ANKRD33B: variants seen among roughly 807,000 people sequenced by gnomAD.
The protein encoded by ANKRD33B is ankyrin repeat domain 33B.
Under a neutral mutation model 21.5 loss-of-function variants are expected in ANKRD33B, and 6 were observed. The ratio of observed to expected loss-of-function variants is 0.28; its 90% CI spans 0.15 to 0.55. The LOEUF (loss-of-function observed/expected upper bound fraction) is 0.55. Among genes scored for constraint, ANKRD33B ranks in the 20% least tolerant of loss-of-function variants. ANKRD33B has a pLI of 0.94. For missense variants in ANKRD33B, 698 were observed against 747.2 expected (o/e 0.93, Z 0.77); for synonymous variants, 347 against 342.4 (o/e 1.01, Z -0.15).
chr5:10,627,596 A>G (rs1012069063), intron 2 of ANKRD33B: 3 of 152,194 alleles, frequency 2.0e-5, no homozygotes, highest in Admixed American at 2.0e-4. Context: ...CCCAGTTCAG[A>G]GGAGAATTTA....
chr5:10,642,510 ATCT>A (rs1159047801), intron 3 of ANKRD33B, among the ~76,000 whole-genome samples: 1 of 152,100 alleles, frequency 6.6e-6, no homozygotes, highest in African/African-American at 2.4e-5. Context: ...TTTCAAATTC[ATCT>A]TCTCCACTTC....
At chr5:10,640,226 C>T (rs1222123123) in intron 3 of ANKRD33B, among the ~76,000 whole-genome samples, 1 of 152,138 alleles carries the variant, frequency 6.6e-6, no homozygotes, top group East Asian at 1.9e-4. Context: ...GTGGCAATTT[C>T]CGTTTTCTAT....
At chr5:10,615,123 C>T (rs1317694938) in intron 1 of ANKRD33B, among the ~76,000 whole-genome samples, 1 of 152,100 alleles carries the variant, frequency 6.6e-6, no homozygotes, top group African/African-American at 2.4e-5. Flanking sequence ...CCAGATACTT[C>T]CGGAACCCTG....
Position 10,649,846 on chromosome 5 carries a change from C to T in ANKRD33B, c.1218C>T (p.Leu406=), listed in dbSNP as rs1188341279. The stretch of plus-strand genomic sequence containing the variant: ...CGCCCGCCCCGCGGAAGGCCAGCCT[C>T]CTGCCCCTGCAGCGCCTGCGGCGGA... The part of the protein sequence containing the change: ...PAAPAPRKAS[L]LPLQRLRRRS... The change falls in exon 4 of 4, where the codon CTC becomes CTT. Residue 406 remains leucine, a synonymous_variant. Coordinates refer to ENST00000296657, the MANE Select transcript of ANKRD33B (RefSeq NM_001164440.2). 2 of 1,414,720 alleles carry T rather than the reference C, an allele frequency of 1.4e-6. No individual in the cohort carries two copies. The highest frequency in any genetic ancestry group is 1.5e-5 in the African/African-American group (1 of 66,100). The allele number at this position is 1,414,720 out of a possible 1,614,324, so 87.6% of individuals were successfully genotyped here.
intron 2 of ANKRD33B, among the ~76,000 whole-genome samples, chr5:10,625,721 A>G (rs1736531361): frequency 1.3e-5 from 2 of 152,252 alleles, no homozygotes; most frequent in South Asian, 4.1e-4. Context: ...GATATTGTGT[A>G]AAATGCATGA....
chr5:10,604,338 T>A (rs1055299645), intron 1 of ANKRD33B, among the ~76,000 whole-genome samples: 4 of 151,046 alleles, frequency 2.6e-5, no homozygotes, highest in Admixed American at 6.6e-5. Context: ...ACCACAGATA[T>A]GCGCCACCGC....
chr5:10,635,104 G>T (rs1249995252), intron 2 of ANKRD33B, among the ~76,000 whole-genome samples: 2 of 152,008 alleles, frequency 1.3e-5, no homozygotes, highest in African/African-American at 2.4e-5. Context: ...CTATATAATG[G>T]GTGGTTTGCT....
chr5:10,581,484 A>G (rs1194585688), intron 1 of ANKRD33B, among the ~76,000 whole-genome samples: 1 of 152,052 alleles, frequency 6.6e-6, no homozygotes, highest in African/African-American at 2.4e-5. Flanking sequence ...TTGCTTCTTT[A>G]CACTGCTCAT....
intron 1 of ANKRD33B, among the ~76,000 whole-genome samples, chr5:10,592,305 A>T (rs1735711770): frequency 6.6e-6 from 1 of 152,046 alleles, no homozygotes; most frequent in Non-Finnish European, 1.5e-5. Context: ...AACAGAGCAT[A>T]TATGTGATAG....
chr5:10,609,757 AAAT>A (rs1032883099), intron 1 of ANKRD33B, among the ~76,000 whole-genome samples: 7 of 152,264 alleles, frequency 4.6e-5, no homozygotes, highest in African/African-American at 1.4e-4. Flanking sequence ...AAAAATACAA[AAAT>A]TAGCCAGGCA....
chr5:10,640,147 G>A (rs937941318), intron 3 of ANKRD33B, among the ~76,000 whole-genome samples: 3 of 149,844 alleles, frequency 2.0e-5, no homozygotes, highest in Admixed American at 2.0e-4. Flanking sequence ...GTTGTGTGGT[G>A]ATGTTAGCGG....
intron 2 of ANKRD33B, among the ~76,000 whole-genome samples, chr5:10,626,883 C>T (rs1184669380): frequency 6.6e-6 from 1 of 152,194 alleles, no homozygotes; most frequent in Non-Finnish European, 1.5e-5. Context: ...AGCAGTCGCA[C>T]TAAGCAGAAT....
intron 1 of ANKRD33B, among the ~76,000 whole-genome samples, chr5:10,570,088 G>T (rs1735144752): frequency 6.6e-6 from 1 of 152,086 alleles, no homozygotes. Flanking sequence ...TGTTGGCCAG[G>T]CTGGTCTCGA....
chr5:10,649,366 G>C lies in ANKRD33B; in HGVS notation c.738G>C (p.Leu246=), dbSNP rs1338346315. ...RVDAVRLMQR[L]LERPCPEQFW... ...ATGCCGTCCGTCTCATGCAGAGGCT[G>C]CTGGAGCGCCCCTGCCCGGAGCAGT... is the stretch of plus-strand genomic sequence containing the variant. The change falls in exon 4 of 4, where the codon CTG becomes CTC. Residue 246 remains leucine (L), a synonymous_variant. Transcript: ENST00000296657. 5 of 1,535,514 alleles carry C rather than the reference G, an allele frequency of 3.3e-6. No individual in the cohort carries two copies. In the Admixed American group the frequency reaches 7.8e-5, roughly 24 times the overall value.
chr5:10,606,517 C>T (rs943598826), intron 1 of ANKRD33B, among the ~76,000 whole-genome samples: 23 of 152,250 alleles, frequency 1.5e-4, no homozygotes, highest in Middle Eastern at 6.8e-3. Flanking sequence ...GGGCGGATCA[C>T]AAGGTCAAGA....
intron 1 of ANKRD33B, among the ~76,000 whole-genome samples, chr5:10,613,281 ATTTTTT>A (rs10572843): frequency 0.018 from 2,421 of 131,676 alleles, 43 homozygotes; most frequent in African/African-American, 0.051. Context: ...CTTAATGAGG[ATTTTTT>A]TTTTTTTTTT....
At chr5:10,594,332 C>G (rs1735773591) in intron 1 of ANKRD33B, among the ~76,000 whole-genome samples, 1 of 151,042 alleles carries the variant, frequency 6.6e-6, no homozygotes, top group African/African-American at 2.4e-5. Context: ...ATTCTCCTGC[C>G]TCAGGCTCCT....
intron 1 of ANKRD33B, among the ~76,000 whole-genome samples, chr5:10,598,370 G>A (rs941229588): frequency 6.6e-5 from 10 of 152,036 alleles, no homozygotes; most frequent in South Asian, 2.1e-4. Flanking sequence ...GGGTTCAAGC[G>A]ATTCTCCTGC....
At chr5:10,617,970 C>A (rs770479509) in intron 1 of ANKRD33B, among the ~76,000 whole-genome samples, 1 of 152,206 alleles carries the variant, frequency 6.6e-6, no homozygotes, top group Non-Finnish European at 1.5e-5. Flanking sequence ...GAGCTGCACC[C>A]GCCCTGCACA....
Sources: allele counts gnomAD v4.1 joint callset (sites outside exome capture counted in the v4.1 genomes callset), GRCh38; gene constraint gnomAD v4.1.1; transcripts MANE v1.5; gene names NCBI Gene and HGNC (gene_info 2026-07-23, HGNC 2026-07-21).